CAMK4: variants seen among roughly 807,000 people sequenced by gnomAD.
CAMK4 encodes calcium/calmodulin dependent protein kinase IV.
In CAMK4, 22 loss-of-function variants were observed where a neutral mutation model predicts 44.9. The ratio of observed to expected loss-of-function variants is 0.49; its 90% CI spans 0.35 to 0.70. The LOEUF is 0.70. Among genes scored for constraint, CAMK4 ranks in the 30% least tolerant of loss-of-function variants. The pLI is 0.01. For missense variants in CAMK4, 498 were observed against 586.8 expected (o/e 0.85, Z 1.56); for synonymous variants, 218 against 215.4 (o/e 1.01, Z -0.11).
intron 7 of CAMK4, among the ~76,000 whole-genome samples, chr5:111,472,933 T>C (rs992188391): frequency 3.3e-5 from 5 of 152,248 alleles, no homozygotes; most frequent in African/African-American, 1.2e-4. Context: ...GGCAGCATGC[T>C]TGTGACTTTT....
chr5:111,318,722 A>C (rs1748537559), intron 1 of CAMK4, among the ~76,000 whole-genome samples: 1 of 152,194 alleles, frequency 6.6e-6, no homozygotes, highest in Non-Finnish European at 1.5e-5. Context: ...GTGTTAATAA[A>C]GACAGAATTG....
intron 2 of CAMK4, among the ~76,000 whole-genome samples, chr5:111,367,464 A>G (rs1203590373): frequency 6.6e-6 from 1 of 152,080 alleles, no homozygotes; most frequent in East Asian, 1.9e-4. Context: ...CATAGCACCT[A>G]GTAACAGATA....
At chr5:111,338,008 A>G (rs1350905296) in intron 1 of CAMK4, among the ~76,000 whole-genome samples, 1 of 151,174 alleles carries the variant, frequency 6.6e-6, no homozygotes, top group African/African-American at 2.4e-5. Flanking sequence ...ATGTGATTTT[A>G]GTTTCCATTT....
intron 4 of CAMK4, among the ~76,000 whole-genome samples, chr5:111,384,432 G>A (rs991989627): frequency 1.3e-5 from 2 of 152,056 alleles, no homozygotes; most frequent in Non-Finnish European, 2.9e-5. Context: ...ATTCTTGTTA[G>A]ATGAATTTGA....
intron 5 of CAMK4, among the ~76,000 whole-genome samples, chr5:111,412,054 A>G (rs193156352): frequency 2.0e-5 from 3 of 152,216 alleles, no homozygotes; most frequent in Admixed American, 1.3e-4. Context: ...GAAGCATAAT[A>G]TAATAATAAA....
chr5:111,279,416 A>G (rs1240192433), intron 1 of CAMK4, among the ~76,000 whole-genome samples: 1 of 152,182 alleles, frequency 6.6e-6, no homozygotes, highest in African/African-American at 2.4e-5. Context: ...CTGAGCCATC[A>G]AATCCATGTA....
chr5:111,265,439 G>T (rs1028290991), intron 1 of CAMK4, among the ~76,000 whole-genome samples: 12 of 152,160 alleles, frequency 7.9e-5, no homozygotes, highest in Non-Finnish European at 7.4e-5. Flanking sequence ...AAGATAAGTT[G>T]ATATTTTAGC....
intron 2 of CAMK4, among the ~76,000 whole-genome samples, chr5:111,348,052 A>C (rs566338570): frequency 6.6e-6 from 1 of 152,154 alleles, no homozygotes; most frequent in South Asian, 2.1e-4. Context: ...GAGACTTTTA[A>C]AATTCTCTTT....
At chr5:111,310,213 T>C (rs1325477885) in intron 1 of CAMK4, among the ~76,000 whole-genome samples, 2 of 152,194 alleles carry the variant, frequency 1.3e-5, no homozygotes, top group African/African-American at 4.8e-5. Flanking sequence ...ATTGCTTTGT[T>C]ATCTCTTTAT....
intron 1 of CAMK4, among the ~76,000 whole-genome samples, chr5:111,250,506 A>G (rs1226978793): frequency 1.3e-5 from 2 of 152,162 alleles, no homozygotes; most frequent in Non-Finnish European, 2.9e-5. Context: ...TGGGCTCATT[A>G]TATGTGGACT....
Position 111,420,404 on chromosome 5 carries a change from C to T in CAMK4, c.459+25622C>T, listed in dbSNP as rs191628772. The stretch of plus-strand genomic sequence containing the variant: ...CTGCAAACAGGGACAATTTGACTTC[C>T]TCTTTTCCTAATTGAATACCCTTTA... On this transcript the variant is annotated intron_variant, in intron 5 of 10. Coordinates refer to ENST00000282356, the MANE Select transcript of CAMK4 (RefSeq NM_001744.6). Among the ~76,000 whole-genome samples the T allele has an allele frequency of 1.8e-3, 281 of 152,158 alleles. 1 individual carries two copies. Among genetic ancestry groups the T allele is most frequent in the African/African-American group, 6.4e-3 (265 of 41,516 alleles).
intron 1 of CAMK4, among the ~76,000 whole-genome samples, chr5:111,282,217 AT>A (rs1226183055): frequency 2.6e-5 from 4 of 152,206 alleles, no homozygotes; most frequent in African/African-American, 4.8e-5. Context: ...TAGATGCTTG[AT>A]TCTTTTATCT....
chr5:111,355,694 T>C (rs1171430630), intron 2 of CAMK4, among the ~76,000 whole-genome samples: 1 of 146,394 alleles, frequency 6.8e-6, no homozygotes, highest in Non-Finnish European at 1.5e-5. Flanking sequence ...GATGTTCCCC[T>C]TCCTGTGTCC....
At chr5:111,325,595 A>G (rs571997150) in intron 1 of CAMK4, among the ~76,000 whole-genome samples, 4 of 152,114 alleles carry the variant, frequency 2.6e-5, no homozygotes, top group African/African-American at 9.6e-5. Flanking sequence ...ATGGTATCTC[A>G]TTGTGGTTTT....
At chr5:111,289,610 A>AT (rs1263489116) in intron 1 of CAMK4, among the ~76,000 whole-genome samples, 2 of 152,106 alleles carry the variant, frequency 1.3e-5, no homozygotes, top group Non-Finnish European at 2.9e-5. Context: ...TTTATTCTAG[A>AT]TTTTTTCTTG....
At chr5:111,403,830 C>G (rs1752319364) in intron 5 of CAMK4, among the ~76,000 whole-genome samples, 1 of 152,130 alleles carries the variant, frequency 6.6e-6, no homozygotes, top group Admixed American at 6.5e-5. Flanking sequence ...ATAATGATAT[C>G]AAAATTTTAC....
In CAMK4 at chr5:111,482,471, T is replaced by C. The variant is rs546429491; in HGVS notation, c.829-314T>C. On this transcript the variant is annotated intron_variant, in intron 9 of 10. Transcript: ENST00000282356. The surrounding 1 kb of genome is among the most constrained non-coding windows in gnomAD (Gnocchi z 4.9). ...TTGTGAAGCGCAGCCCAGAATTATT[T>C]TGCTGGTTCTGCCTTCAAAGAACTT... is the stretch of plus-strand genomic sequence containing the variant. 4.8e-6 allele frequency: 1 copy of C among 206,544 alleles called. No homozygotes were observed. Among genetic ancestry groups the C allele is most frequent in the Admixed American group, 5.9e-5 (1 of 16,856 alleles). 12.8% of individuals were successfully genotyped at this position (206,544 alleles called of 1,614,324 possible). A position where few individuals can be genotyped will look rare whatever the true frequency, so the allele number is the denominator to read the frequency against.
intron 1 of CAMK4, among the ~76,000 whole-genome samples, chr5:111,274,005 T>C (rs554516053): frequency 7.9e-5 from 12 of 151,934 alleles, no homozygotes; most frequent in Non-Finnish European, 1.6e-4. Flanking sequence ...CTTGATGGCA[T>C]CTATGGAGTA....
chr5:111,351,409 CT>C (rs1230580699), intron 2 of CAMK4, among the ~76,000 whole-genome samples: 340 of 142,398 alleles, frequency 2.4e-3, no homozygotes, highest in Admixed American at 2.5e-3. Flanking sequence ...TTTTCTTTTT[CT>C]TTTTTTTTTT....
Sources: gnomAD v4.1 joint callset for allele counts (sites outside exome capture counted in the v4.1 genomes callset) on GRCh38, gnomAD v4.1.1 for gene constraint, Gnocchi (gnomAD v3.1) non-coding constraint, MANE v1.5 for transcripts, NCBI Gene and HGNC (gene_info 2026-07-23, HGNC 2026-07-21) for gene names.